Variants in BARD1 observed in about 807,000 individuals in gnomAD.
BARD1 encodes the protein BRCA1-associated RING domain protein 1.
A neutral mutation model predicts 77.0 loss-of-function variants in BARD1; 73 were observed. The observed-to-expected ratio is 0.95, with a 90% CI of 0.79 to 1.15. BARD1 has a LOEUF of 1.15. BARD1 is among the 50% of genes most tolerant of loss of function. The pLI is 0.00. For synonymous variants in BARD1, 384 were observed against 338.0 expected, an observed-to-expected ratio of 1.14 and a Z score of -1.49; for missense variants, 993 against 938.8, an observed-to-expected ratio of 1.06 and a Z score of -0.75.
At chr2:214,751,226 C>T (rs1028595997) in intron 7 of BARD1, among the ~76,000 whole-genome samples, 11 of 135,234 alleles carry the variant, frequency 8.1e-5, no homozygotes, top group Non-Finnish European at 1.7e-4. Context: ...GGCCTGATCT[C>T]GGCTCACTGC....
chr2:214,742,388 T>C (rs1356063707), intron 9 of BARD1, among the ~76,000 whole-genome samples: 1 of 152,164 alleles, frequency 6.6e-6, no homozygotes, highest in East Asian at 1.9e-4. Flanking sequence ...ATAGAAACTA[T>C]GAGAAATATA....
Position 214,752,446 on chromosome 2 carries a change from C to G in BARD1, c.1677+1G>C, listed in dbSNP as rs1060501310. The G allele has an allele frequency of 6.2e-7, 1 of 1,601,644 alleles. No individual in the cohort carries two copies. The highest frequency in any genetic ancestry group is 8.6e-7 in the Non-Finnish European group (1 of 1,168,836). On this transcript the variant is annotated splice_donor_variant, in intron 7 of 10. Transcript: ENST00000260947. LOFTEE classifies it high-confidence loss of function. ...TGTCCCAAAGCTAAATCCATACTTA[C>G]TACTGAGCAGTGGCTAGCTGAGGAT...
At position 214,729,627 on chromosome 2, in the gene BARD1, A is replaced by G. The variant is rs1023064546; in HGVS notation, c.2002-619T>C. ...CTAAAATTTTAGATATGCTTGGTAT[A>G]AAGAAAAAAACAAACTATTCATCAA... On this transcript the variant is annotated intron_variant, in intron 10 of 10. Coordinates refer to ENST00000260947, the MANE Select transcript of BARD1 (RefSeq NM_000465.4). Among the ~76,000 whole-genome samples the G allele has an allele frequency of 2.0e-5, 3 of 152,332 alleles. No homozygotes were observed. In the East Asian group the frequency reaches 5.8e-4, roughly 29 times the overall value.
At chr2:214,774,373 G>C (rs1694650044) in intron 4 of BARD1, among the ~76,000 whole-genome samples, 1 of 152,176 alleles carries the variant, frequency 6.6e-6, no homozygotes, top group Non-Finnish European at 1.5e-5. Context: ...TAAGTAACAA[G>C]ACTTGAAAGT....
intron 7 of BARD1, among the ~76,000 whole-genome samples, chr2:214,750,491 T>G (rs1412238571): frequency 1.3e-5 from 2 of 152,174 alleles, no homozygotes; most frequent in Non-Finnish European, 2.9e-5. Context: ...TATGCCTCCT[T>G]GTCTCTGAGC....
intron 4 of BARD1, among the ~76,000 whole-genome samples, chr2:214,776,664 G>A (rs1267653985): frequency 6.6e-6 from 1 of 152,202 alleles, no homozygotes; most frequent in African/African-American, 2.4e-5. Context: ...CTTCAGTGGT[G>A]TGGTCAAAAA....
intron 6 of BARD1, among the ~76,000 whole-genome samples, chr2:214,760,736 C>T (rs905993311): frequency 1.3e-5 from 2 of 151,544 alleles, no homozygotes; most frequent in African/African-American, 4.8e-5. Context: ...TCAGATAAAA[C>T]GTCAAAATAG....
intron 7 of BARD1, among the ~76,000 whole-genome samples, chr2:214,751,738 T>C (rs967335956): frequency 9.2e-5 from 14 of 152,186 alleles, no homozygotes; most frequent in Admixed American, 7.2e-4. Context: ...CATAGAACTA[T>C]TGATTTCCTT....
intron 6 of BARD1, among the ~76,000 whole-genome samples, chr2:214,763,890 A>G (rs1180588872): frequency 6.6e-6 from 1 of 152,194 alleles, no homozygotes; most frequent in Non-Finnish European, 1.5e-5. Flanking sequence ...GGGCAGGAAT[A>G]AATTTCATCT....
At chr2:214,773,211 T>C (rs1249694788) in intron 4 of BARD1, among the ~76,000 whole-genome samples, 4 of 152,200 alleles carry the variant, frequency 2.6e-5, no homozygotes, top group African/African-American at 9.6e-5. Context: ...CTTTTCCTTA[T>C]TATAAATGTT....
intron 5 of BARD1, among the ~76,000 whole-genome samples, chr2:214,768,672 C>A (rs550403704): frequency 6.6e-6 from 1 of 152,306 alleles, no homozygotes; most frequent in Non-Finnish European, 1.5e-5. Flanking sequence ...GGCCTACATA[C>A]CAATTGTTTC....
chr2:214,730,963 T>C (rs1208414085), intron 9 of BARD1: 1 of 453,710 alleles, frequency 2.2e-6, no homozygotes, highest in Admixed American at 2.4e-5. Context: ...AAACTGTAAG[T>C]GATTTGACAT....
At position 214,792,313 on chromosome 2, in the gene BARD1, A is replaced by G. The variant is rs139934362; in HGVS notation, c.348T>C (p.His116=). The change falls in exon 3 of 11, where the codon CAT becomes CAC. Residue 116 remains histidine (H), a synonymous_variant. Transcript: ENST00000260947. Reference sequence around the variant, plus strand: ...AGTTCTTACCTGACAGCTCATTGTCATGTAGCAAATTTCGAAGCTTACTAC... The same window carrying G: ...AGTTCTTACCTGACAGCTCATTGTCGTGTAGCAAATTTCGAAGCTTACTAC... ...QLCSKLRNLL[H]DNELSDLKED... 101 of 1,613,544 alleles carry G rather than the reference A, an allele frequency of 6.3e-5. No homozygotes were observed. In the African/African-American group the frequency reaches 1.0e-3, roughly 16 times the overall value.
intron 6 of BARD1, among the ~76,000 whole-genome samples, chr2:214,760,151 T>G (rs115940081): frequency 1.4e-3 from 206 of 152,322 alleles, no homozygotes; most frequent in African/African-American, 4.7e-3. Context: ...AAGCCTGGTC[T>G]CCAATATTTA....
At chr2:214,780,309 GCAAAATAAAAGCCGAAATATT>G (rs954138130) in intron 4 of BARD1, among the ~76,000 whole-genome samples, 1 of 152,112 alleles carries the variant, frequency 6.6e-6, no homozygotes, top group Non-Finnish European at 1.5e-5. Flanking sequence ...AAAGCACTTG[GCAAAATAAAAGCCGAAATATT>G]CAAATATTGG....
intron 1 of BARD1, among the ~76,000 whole-genome samples, chr2:214,797,696 T>C (rs1197333064): frequency 1.3e-5 from 2 of 152,184 alleles, no homozygotes; most frequent in Admixed American, 6.5e-5. Context: ...ATGTGTTTCT[T>C]ACTACTGTAA....
intron 9 of BARD1, among the ~76,000 whole-genome samples, chr2:214,733,517 T>A (rs1692445240): frequency 6.6e-6 from 1 of 152,188 alleles, no homozygotes; most frequent in African/African-American, 2.4e-5. Context: ...CATTTTGGAT[T>A]TTCAGATTAG....
rs1318629922 is a variant in BARD1 at position 214,727,767 on chromosome 2, C to T, written c.*909G>A. 8.8e-6 allele frequency: 2 copies of T among 227,098 alleles called. No homozygotes were observed. The highest frequency in any genetic ancestry group is 4.4e-5 in the African/African-American group (2 of 45,122). The allele number at this position is 227,098 out of a possible 1,614,324, so 14.1% of individuals were successfully genotyped here. ...CTTTAAAAAAAACCTTTTCCTTTTA[C>T]AAAGGAAGAAATTAAGACCTTCAAA... is the stretch of plus-strand genomic sequence containing the variant. On this transcript the variant is annotated 3_prime_UTR_variant, in exon 11 of 11. Coordinates refer to ENST00000260947, the MANE Select transcript of BARD1 (RefSeq NM_000465.4).
intron 5 of BARD1, 90 bp from the exon 6 acceptor site, chr2:214,767,744 T>A: frequency 8.1e-7 from 1 of 1,232,540 alleles, no homozygotes; most frequent in Non-Finnish European, 1.2e-6. Flanking sequence ...AAAATAAATG[T>A]AAACGTCAGG....
Sources: gnomAD v4.1 joint callset for allele counts (sites outside exome capture counted in the v4.1 genomes callset) on GRCh38, gnomAD v4.1.1 for gene constraint, MANE v1.5 for transcripts, NCBI Gene and HGNC (gene_info 2026-07-23, HGNC 2026-07-21) for gene names.